Variants in ZNF83 observed in about 807,000 individuals in gnomAD.
The protein encoded by ZNF83 is zinc finger protein 816B.
For synonymous variants in ZNF83, 209 were observed against 213.0 expected (o/e 0.98, Z 0.17); for missense variants, 552 against 629.9 (o/e 0.88, Z 1.32).
chr19:52,666,713 A>G (rs1215828912), intron 1 of ZNF83, among the ~76,000 whole-genome samples: 1 of 151,972 alleles, frequency 6.6e-6, no homozygotes, highest in Non-Finnish European at 1.5e-5. Flanking sequence ...ATGATTTAAC[A>G]TTAACCACTG....
At chr19:52,639,413 C>CTTTTT (rs1206783591), upstream of ZNF83, among the ~76,000 whole-genome samples, 50 of 53,848 alleles carry the variant, frequency 9.3e-4, 1 homozygote, top group African/African-American at 3.6e-3. Flanking sequence ...TTAGTTTTTT[C>CTTTTT]TATTTTTTTT....
intron 2 of ZNF83, among the ~76,000 whole-genome samples, chr19:52,630,170 T>TC (rs566522052): frequency 2.4e-3 from 369 of 152,254 alleles, no homozygotes; most frequent in Non-Finnish European, 4.1e-3. Context: ...TGGCAACCAC[T>TC]CCCAGAGCCC....
intron 2 of ZNF83, among the ~76,000 whole-genome samples, chr19:52,631,300 C>T (rs542465904): frequency 1.8e-3 from 273 of 152,214 alleles, no homozygotes; most frequent in Non-Finnish European, 2.8e-3. Context: ...CAACTCCTTT[C>T]CTTCCTAGGC....
chr19:52,633,916 A>G (rs1256675959), intron 2 of ZNF83, among the ~76,000 whole-genome samples: 1 of 152,114 alleles, frequency 6.6e-6, no homozygotes, highest in African/African-American at 2.4e-5. Context: ...CTCAAAATAA[A>G]TAAATAAATA....
chr19:52,622,139 TC>T (rs772133686), intron 2 of ZNF83, among the ~76,000 whole-genome samples: 4 of 151,042 alleles, frequency 2.6e-5, no homozygotes, highest in Non-Finnish European at 4.4e-5. Flanking sequence ...TCACCTCCCC[TC>T]CCCACACCCA....
intron 2 of ZNF83, among the ~76,000 whole-genome samples, chr19:52,627,380 G>T (rs2060784232): frequency 6.6e-6 from 1 of 152,122 alleles, no homozygotes; most frequent in Non-Finnish European, 1.5e-5. Context: ...AACTATTGGG[G>T]GCCAGGTGTT....
chr19:52,676,034 C>T (rs546371521), intron 1 of ZNF83, among the ~76,000 whole-genome samples: 2 of 151,526 alleles, frequency 1.3e-5, no homozygotes, highest in Admixed American at 6.6e-5. Context: ...ACTAACAATA[C>T]AGCTCTCGCT....
intron 1 of ZNF83, among the ~76,000 whole-genome samples, chr19:52,674,015 CAAAAAA>C (rs67570337): frequency 8.2e-5 from 6 of 73,064 alleles, no homozygotes; most frequent in African/African-American, 2.6e-4. Context: ...GACTCCATCT[CAAAAAA>C]AAAAAAAAAA....
chr19:52,646,264 G>A (rs1055507630), intron 3 of ZNF83, among the ~76,000 whole-genome samples: 1 of 152,026 alleles, frequency 6.6e-6, no homozygotes, highest in Non-Finnish European at 1.5e-5. Flanking sequence ...TTATATGTAG[G>A]CCAGGTGTGA....
At chr19:52,658,738 T>A (rs1038346015) in intron 2 of ZNF83, among the ~76,000 whole-genome samples, 4 of 152,164 alleles carry the variant, frequency 2.6e-5, no homozygotes, top group Non-Finnish European at 4.4e-5. Context: ...CAATAGAGGC[T>A]TCCCCAGTTA....
chr19:52,667,300 T>TA (rs2061667998), intron 1 of ZNF83, among the ~76,000 whole-genome samples: 1 of 149,510 alleles, frequency 6.7e-6, no homozygotes, highest in African/African-American at 2.5e-5. Flanking sequence ...TGTCCTAAAA[T>TA]AAATCAAATG....
At chr19:52,630,299 A>G (rs1313933784) in intron 2 of ZNF83, among the ~76,000 whole-genome samples, 1 of 152,024 alleles carries the variant, frequency 6.6e-6, no homozygotes, top group African/African-American at 2.4e-5. Context: ...CAGATGCTCT[A>G]AGTAACTCTC....
chr19:52,614,851 T>C (rs2060249082), intron 2 of ZNF83, 54 bp from the exon 3 acceptor site: 7 of 1,230,242 alleles, frequency 5.7e-6, no homozygotes, highest in Non-Finnish European at 7.2e-6. Context: ...AGTCAATAAA[T>C]ATCTCCTATT....
upstream of ZNF83, among the ~76,000 whole-genome samples, chr19:52,643,200 C>A (rs1218666106): frequency 2.0e-5 from 3 of 151,608 alleles, no homozygotes; most frequent in Admixed American, 1.3e-4. Context: ...AATAAAAATA[C>A]AAAAATTAGC....
chr19:52,636,874 A>T (rs1372781925), intron 1 of ZNF83: 1 of 148,990 alleles, frequency 6.7e-6, no homozygotes. Flanking sequence ...CCCAAGCTAG[A>T]CTCGAACTCC....
At chr19:52,613,406 G>A (rs536575735) in exon 3 of ZNF83, 1 of 1,613,460 alleles carries the variant, frequency 6.2e-7, no homozygotes, top group Non-Finnish European at 8.5e-7. Context: ...TGTACAAGAT[G>A]TGAATTTTGA....
Position 52,666,618 on chromosome 19 carries a change from CAAAAAA to C in ZNF83, c.-282-5781_-282-5776del, listed in dbSNP as rs59937542. 2.4e-3 allele frequency among the ~76,000 whole-genome samples: 257 copies of C among 105,788 alleles called. 1 individual carries two copies. The highest frequency in any genetic ancestry group is 3.7e-3 in the Non-Finnish European group (189 of 51,720). The allele number at this position is 105,788 out of a possible 152,430, so 69.4% of individuals were successfully genotyped here. ...TCATCAAGGAAGAACTATCCTAAGT[CAAAAAA>C]AAAAAAAAAAAAAAAAGGCAAAATG... On this transcript the variant is annotated intron_variant, in intron 1 of 5. Transcript: ENST00000594682.
intron 1 of ZNF83, among the ~76,000 whole-genome samples, chr19:52,676,742 A>G (rs1357607629): frequency 5.9e-4 from 83 of 140,678 alleles, no homozygotes; most frequent in African/African-American, 2.1e-3. Flanking sequence ...CTGTGTAGAA[A>G]GAAGTAGACA....
At chr19:52,686,757 G>A (rs2147374628) in intron 1 of ZNF83, among the ~76,000 whole-genome samples, 1 of 152,148 alleles carries the variant, frequency 6.6e-6, no homozygotes, top group South Asian at 2.1e-4. Context: ...ATTTTTCATA[G>A]AGACGGCGTT....
Sources: gnomAD v4.1 joint callset for allele counts (sites outside exome capture counted in the v4.1 genomes callset) on GRCh38, gnomAD v4.1.1 for gene constraint, MANE v1.5 for transcripts, NCBI Gene and HGNC (gene_info 2026-07-23, HGNC 2026-07-21) for gene names.